The following AZU1 variants were observed in gnomAD, a reference collection of about 807,000 sequenced individuals.
AZU1 encodes the protein azurocidin 1.
In AZU1, 21 loss-of-function variants were observed where a neutral mutation model predicts 17.8. The observed-to-expected ratio is 1.18, with a 90% confidence interval of 0.84 to 1.70. AZU1 has a LOEUF of 1.70. AZU1 is among the 40% of genes most tolerant of loss of function. The pLI, the probability that AZU1 is intolerant of heterozygous loss-of-function variation, is 0.00. For synonymous variants in AZU1, 178 were observed against 155.2 expected (o/e 1.15, Z -1.09); for missense variants, 379 against 362.9 (o/e 1.04, Z -0.36).
At position 828,275 on chromosome 19, in the gene AZU1, C is replaced by T. The variant is rs559592689; in HGVS notation, c.104C>T (p.Pro35Leu). The change falls in exon 2 of 5, where the codon CCC becomes CTC. Residue 35 changes from proline (P) to leucine (L), a missense_variant. Transcript: ENST00000233997. ...LDIVGGRKAR[P>L]RQFPFLASIQ... ...ATCGTTGGCGGCCGGAAGGCGAGGC[C>T]CCGCCAGTTCCCGTTCCTGGCCTCC... 2.7e-5 allele frequency: 43 copies of T among 1,611,498 alleles called. 1 individual carries two copies. The South Asian group carries it at 4.3e-4, about 16-fold the overall frequency.
chr19:829,302 G>A (rs568110507), intron 2 of AZU1, among the ~76,000 whole-genome samples: 28 of 150,936 alleles, frequency 1.9e-4, no homozygotes, highest in Admixed American at 7.9e-4. Flanking sequence ...CTCAGAGAAG[G>A]GAAGGGACTC....
At chr19:830,274 A>G (rs2035271659) in intron 3 of AZU1, among the ~76,000 whole-genome samples, 1 of 152,054 alleles carries the variant, frequency 6.6e-6, no homozygotes, top group Non-Finnish European at 1.5e-5. Context: ...AAAACTTCCA[A>G]AAACAATACA....
intron 4 of AZU1, 114 bp from the exon 5 acceptor site, chr19:831,602 C>T: frequency 8.2e-7 from 1 of 1,220,242 alleles, no homozygotes; most frequent in East Asian, 2.6e-5. Context: ...ATGCAAAGGC[C>T]CTGGGGCTGG....
Position 829,668 on chromosome 19 carries a change from G to C in AZU1, c.322G>C (p.Asp108His), listed in dbSNP as rs142169722. ...CAGCAGCATGAGCGAGAATGGCTAC[G>C]ACCCCCAGCAGAACCTGAACGACCT... The part of the protein sequence containing the change: ...SISSMSENGY[D>H]PQQNLNDLML... The change falls in exon 3 of 5, where the codon GAC becomes CAC. Residue 108 changes from aspartate to histidine, a missense_variant. Coordinates refer to ENST00000233997, the MANE Select transcript of AZU1 (RefSeq NM_001700.5). The C allele has an allele frequency of 2.5e-6, 4 of 1,613,386 alleles. No individual in the cohort carries two copies. Among genetic ancestry groups the C allele is most frequent in the South Asian group, 2.2e-5 (2 of 91,086 alleles).
At chr19:828,420 T>C (rs1410161882) in intron 2 of AZU1, 34 bp downstream of exon 2, 8 of 1,475,742 alleles carry the variant, frequency 5.4e-6, no homozygotes, top group East Asian at 2.5e-5. Context: ...CTAGGGGGCA[T>C]TGGGGCTCAG....
rs757095956 is a variant in AZU1, at chr19:831,761, G to A, written c.640G>A (p.Val214Met). The change falls in exon 5 of 5, where the codon GTG (valine) becomes ATG (methionine). Residue 214 changes from valine (V) to methionine (M), a missense_variant. Coordinates refer to ENST00000233997, the MANE Select transcript of AZU1 (RefSeq NM_001700.5). ...CGTCTGCGAGGGCCTGGCCCACGGC[G>A]TGGCCTCCTTTTCCCTGGGGCCCTG... is the stretch of plus-strand genomic sequence containing the variant. ...PLVCEGLAHGVASFSLGPCGR... is the reference protein window; with the variant it reads ...PLVCEGLAHGMASFSLGPCGR... The A allele has an allele frequency of 1.9e-5, 30 of 1,612,302 alleles. No individual in the cohort carries two copies. The East Asian group carries it at 2.0e-4, about 11-fold the overall frequency.
intron 2 of AZU1, among the ~76,000 whole-genome samples, chr19:828,789 G>A (rs2035246817): frequency 7.2e-6 from 1 of 139,746 alleles, no homozygotes; most frequent in African/African-American, 2.7e-5. Flanking sequence ...GGGGTCAGAT[G>A]GGGGAGGCCC....
intron 4 of AZU1, 117 bp from the exon 5 acceptor site, chr19:831,599 G>A: frequency 8.5e-7 from 1 of 1,170,222 alleles, no homozygotes; most frequent in South Asian, 1.6e-5. Flanking sequence ...GCCATGCAAA[G>A]GCCCTGGGGC....
Sources: gnomAD v4.1 joint callset for allele counts (sites outside exome capture counted in the v4.1 genomes callset) on GRCh38, gnomAD v4.1.1 for gene constraint, MANE v1.5 for transcripts, NCBI Gene and HGNC (gene_info 2026-07-23, HGNC 2026-07-21) for gene names.